Variants in RALGPS1 observed in about 807,000 individuals in gnomAD.
The protein encoded by RALGPS1 is Ral GEF with PH domain and SH3 binding motif 1, also known as ras-specific guanine nucleotide-releasing factor RalGPS1.
RALGPS1 carries 19 observed loss-of-function variants against 78.8 expected under a neutral mutation model. The ratio of observed to expected loss-of-function variants is 0.24; its 90% CI spans 0.17 to 0.35. The LOEUF (loss-of-function observed/expected upper bound fraction) is 0.35, where lower values mean the gene tolerates loss of function less well. Among genes scored for constraint, RALGPS1 ranks in the 10% least tolerant of loss-of-function variants. RALGPS1 has a pLI of 1.00. For missense variants in RALGPS1, 454 were observed against 688.3 expected (o/e 0.66, Z 3.81); for synonymous variants, 228 against 256.3 (o/e 0.89, Z 1.06).
chr9:126,970,499 A>G (rs1249420898), intron 3 of RALGPS1, among the ~76,000 whole-genome samples: 2 of 152,196 alleles, frequency 1.3e-5, no homozygotes, highest in African/African-American at 4.8e-5. Flanking sequence ...ACCTCTTGAA[A>G]CCAGGCAACT....
chr9:127,023,863 C>G (rs1386826785), intron 4 of RALGPS1, among the ~76,000 whole-genome samples: 1 of 152,044 alleles, frequency 6.6e-6, no homozygotes, highest in African/African-American at 2.4e-5. Flanking sequence ...TGGCAAAACC[C>G]TGTCTCTACT....
chr9:127,002,809 G>T (rs1396059427), intron 4 of RALGPS1, among the ~76,000 whole-genome samples: 1 of 151,934 alleles, frequency 6.6e-6, no homozygotes, highest in Non-Finnish European at 1.5e-5. Flanking sequence ...GTATTCCATG[G>T]TGTATATGTG....
chr9:126,944,689 A>G (rs971876089), intron 1 of RALGPS1, among the ~76,000 whole-genome samples: 1 of 152,190 alleles, frequency 6.6e-6, no homozygotes, highest in Admixed American at 6.5e-5. Flanking sequence ...GCAAAACAGT[A>G]CAGAGCTTAC....
At chr9:126,940,547 C>G (rs185138429) in intron 1 of RALGPS1, among the ~76,000 whole-genome samples, 4 of 150,774 alleles carry the variant, frequency 2.7e-5, no homozygotes, top group Non-Finnish European at 5.9e-5. Flanking sequence ...TCACGCCATT[C>G]TCCTGCCTCA....
At chr9:126,925,579 A>G (rs1344048417) in intron 1 of RALGPS1, among the ~76,000 whole-genome samples, 1 of 151,970 alleles carries the variant, frequency 6.6e-6, no homozygotes, top group Non-Finnish European at 1.5e-5. Flanking sequence ...ATTACAGTGC[A>G]TAGTGTTGTG....
At chr9:127,004,516 G>C (rs2043649604) in intron 4 of RALGPS1, among the ~76,000 whole-genome samples, 1 of 152,120 alleles carries the variant, frequency 6.6e-6, no homozygotes, top group South Asian at 2.1e-4. Context: ...TAAAGGGTTG[G>C]GATGGCATGA....
At chr9:127,031,714 C>T (rs1446131656) in intron 4 of RALGPS1, among the ~76,000 whole-genome samples, 2 of 152,226 alleles carry the variant, frequency 1.3e-5, no homozygotes, top group African/African-American at 2.4e-5. Context: ...AAATCCTTTG[C>T]TCCTTCCATT....
chr9:126,960,933 C>T (rs1381466315), intron 1 of RALGPS1, among the ~76,000 whole-genome samples: 1 of 152,132 alleles, frequency 6.6e-6, no homozygotes, highest in Non-Finnish European at 1.5e-5. Flanking sequence ...TCTGTCCTTC[C>T]TGTCTCTCAG....
chr9:126,958,142 A>AAAAAAAAAAGAT (rs113413659), intron 1 of RALGPS1, among the ~76,000 whole-genome samples: 1 of 77,084 alleles, frequency 1.3e-5, no homozygotes, highest in Non-Finnish European at 2.8e-5. Flanking sequence ...AAAAAAAAAA[A>AAAAAAAAAAGAT]ATATATATAT....
At chr9:126,922,280 A>G (rs539027787) in intron 1 of RALGPS1, among the ~76,000 whole-genome samples, 53 of 152,324 alleles carry the variant, frequency 3.5e-4, no homozygotes, top group African/African-American at 1.2e-3. Context: ...GGTTAAGTCA[A>G]TTTTTGAGTA....
rs533768440 is a variant in RALGPS1 at position 127,005,654 on chromosome 9, A to C, written c.216+27909A>C. 6.0e-4 allele frequency among the ~76,000 whole-genome samples: 91 copies of C among 152,284 alleles called. 1 individual carries two copies. The highest frequency in any genetic ancestry group is 1.8e-3 in the Admixed American group (27 of 15,298). On this transcript the variant is annotated intron_variant, in intron 4 of 18. Transcript: ENST00000259351. Reference sequence around the variant, plus strand: ...TGGCTCTCCAAAGGATAAGCCTTGAAGTACTTGACTGAACTTCAGACTGAA... The same window carrying C: ...TGGCTCTCCAAAGGATAAGCCTTGACGTACTTGACTGAACTTCAGACTGAA...
chr9:127,056,735 C>T (rs892626244), intron 7 of RALGPS1, among the ~76,000 whole-genome samples: 3 of 152,142 alleles, frequency 2.0e-5, no homozygotes, highest in African/African-American at 7.2e-5. Context: ...CATTCCTCAT[C>T]GATGATGTTG....
intron 8 of RALGPS1, among the ~76,000 whole-genome samples, chr9:127,128,155 A>G (rs993831849): frequency 2.0e-5 from 3 of 152,012 alleles, no homozygotes; most frequent in African/African-American, 4.8e-5. Flanking sequence ...AGTTTCATCC[A>G]TGTCCCTGCA....
chr9:126,952,297 G>A (rs2037898051), intron 1 of RALGPS1, among the ~76,000 whole-genome samples: 1 of 152,176 alleles, frequency 6.6e-6, no homozygotes. Flanking sequence ...CCTTTCTTGG[G>A]AGAGAGGCCA....
intron 4 of RALGPS1, among the ~76,000 whole-genome samples, chr9:127,006,996 A>G (rs1392106415): frequency 6.6e-6 from 1 of 152,216 alleles, no homozygotes; most frequent in African/African-American, 2.4e-5. Flanking sequence ...AAAGATTTTT[A>G]AAATTTAACT....
At chr9:127,013,590 C>G (rs2044550462) in intron 4 of RALGPS1, among the ~76,000 whole-genome samples, 1 of 152,110 alleles carries the variant, frequency 6.6e-6, no homozygotes, top group South Asian at 2.1e-4. Context: ...GCACTTATCT[C>G]CCAGCGGGCA....
chr9:127,216,614 T>C (rs1232422128), intron 18 of RALGPS1, among the ~76,000 whole-genome samples: 1 of 152,210 alleles, frequency 6.6e-6, no homozygotes, highest in Non-Finnish European at 1.5e-5. Flanking sequence ...GAAATGGTAA[T>C]TCTGTAGCTT....
chr9:127,015,531 C>G (rs959174323), intron 4 of RALGPS1, among the ~76,000 whole-genome samples: 6 of 152,124 alleles, frequency 3.9e-5, no homozygotes, highest in African/African-American at 7.2e-5. Flanking sequence ...TGAGGAGGAG[C>G]TTGGCTTCCT....
chr9:127,073,214 A>G (rs577729138), intron 8 of RALGPS1, among the ~76,000 whole-genome samples: 2 of 152,058 alleles, frequency 1.3e-5, no homozygotes, highest in African/African-American at 4.8e-5. Flanking sequence ...CCATTAACCA[A>G]CCTCTCTTTA....
Sources: allele counts gnomAD v4.1 joint callset (sites outside exome capture counted in the v4.1 genomes callset), GRCh38; gene constraint gnomAD v4.1.1; transcripts MANE v1.5; gene names NCBI Gene and HGNC (gene_info 2026-07-23, HGNC 2026-07-21).